SNURF: variants seen among roughly 807,000 people sequenced by gnomAD.
SNURF encodes SNRPN upstream open reading frame, also known as SNURF protein.
In SNURF, 6 loss-of-function variants were observed where a neutral mutation model predicts 11.6. The ratio of observed to expected loss-of-function variants is 0.52; its 90% CI spans 0.28 to 1.02. The LOEUF (loss-of-function observed/expected upper bound fraction) is 1.02. Among genes scored for constraint, SNURF ranks in the 50% least tolerant of loss-of-function variants. The pLI is 0.09. For synonymous variants in SNURF, 29 were observed against 31.6 expected, an observed-to-expected ratio of 0.92 and a Z score of 0.27; for missense variants, 84 against 88.4, an observed-to-expected ratio of 0.95 and a Z score of 0.20.
chr15:24,956,253 A>G (rs2062850716), intron 1 of SNURF, among the ~76,000 whole-genome samples: 3 of 151,254 alleles, frequency 2.0e-5, no homozygotes, highest in East Asian at 2.0e-4. Context: ...TTGGAAGGCT[A>G]TGTCGAAATA....
chr15:24,978,322 A>G, downstream of SNURF: 1 of 1,614,008 alleles, frequency 6.2e-7, no homozygotes, highest in Non-Finnish European at 8.5e-7. Flanking sequence ...ATTAGAGGTG[A>G]GTGGGAGCAT....
intron 3 of SNURF, chr15:24,974,894 C>G (rs1330626524): frequency 2.8e-6 from 2 of 702,470 alleles, no homozygotes; most frequent in Non-Finnish European, 5.2e-6. Context: ...TGAGAAAATA[C>G]AGGAGTTTTT....
chr15:24,959,130 A>G (rs2153437416), intron 1 of SNURF, among the ~76,000 whole-genome samples: 2 of 152,324 alleles, frequency 1.3e-5, no homozygotes, highest in Middle Eastern at 6.8e-3. Context: ...CCGGATTATT[A>G]CTTTCAGTGT....
At chr15:24,965,499 TG>T (rs1233966716) in intron 2 of SNURF, among the ~76,000 whole-genome samples, 1 of 152,190 alleles carries the variant, frequency 6.6e-6, no homozygotes, top group Non-Finnish European at 1.5e-5. Context: ...ATGGTGCCAT[TG>T]GCTGTGCCTG....
In SNURF at chr15:24,962,881, A is replaced by G. The variant is rs545802261; in HGVS notation, c.110+672A>G. Among the ~76,000 whole-genome samples the G allele has an allele frequency of 1.5e-4, 23 of 152,310 alleles. 1 individual carries two copies. In the South Asian group the frequency reaches 4.6e-3, roughly 30 times the overall value. The stretch of plus-strand genomic sequence containing the variant: ...GCCATTAAAATTTTGATCAGTAGGT[A>G]GCATTTTTTTCTTAGCTACAATTGT... On this transcript the variant is annotated intron_variant, in intron 2 of 2. Transcript: ENST00000577949.
At chr15:24,971,486 T>C (rs1292968402), downstream of SNURF, among the ~76,000 whole-genome samples, 3 of 152,026 alleles carry the variant, frequency 2.0e-5, no homozygotes, top group African/African-American at 7.2e-5. Flanking sequence ...TCAACTCCTA[T>C]TGTGAGTAAA....
At chr15:24,955,312 G>A (rs905130526) in intron 1 of SNURF, among the ~76,000 whole-genome samples, 3 of 152,138 alleles carry the variant, frequency 2.0e-5, no homozygotes, top group Non-Finnish European at 2.9e-5. Context: ...GTCGCGACAG[G>A]TCCTATTGCG....
chr15:24,975,735 T>C (rs2076985586), intron 4 of SNURF, among the ~76,000 whole-genome samples: 1 of 152,210 alleles, frequency 6.6e-6, no homozygotes, highest in Non-Finnish European at 1.5e-5. Context: ...GGAGTAAAAG[T>C]ATATGCTATG....
downstream of SNURF, chr15:24,978,501 T>C: frequency 1.3e-6 from 2 of 1,499,632 alleles, no homozygotes; most frequent in Non-Finnish European, 1.9e-6. Context: ...TGTGAAATTG[T>C]GTAGAGTGTT....
At chr15:24,955,121 A>G in intron 1 of SNURF, 59 bp downstream of exon 1, 6 of 1,610,650 alleles carry the variant, frequency 3.7e-6, no homozygotes, top group Non-Finnish European at 4.2e-6. Context: ...ACTTTTATTC[A>G]TCAGATATTC....
At chr15:24,978,478 C>T (rs1236754114), downstream of SNURF, 4 of 1,590,516 alleles carry the variant, frequency 2.5e-6, no homozygotes, top group Admixed American at 1.7e-5. Flanking sequence ...ACTTTTTCCC[C>T]TGCAATGCGT....
intron 3 of SNURF, among the ~76,000 whole-genome samples, chr15:24,975,119 A>G (rs114645474): frequency 0.039 from 5,903 of 152,286 alleles, 381 homozygotes; most frequent in African/African-American, 0.13. Context: ...ACAGAGAAGG[A>G]TAATCACCTG....
rs533449806 is a variant in SNURF, at chr15:24,956,547, C to T, written c.14+1485C>T. On this transcript the variant is annotated intron_variant, in intron 1 of 2. Transcript: ENST00000577949. ...TGGGAAAGGATGCAGGTTGCGCAGACGCAGCAGAGGTGACAGTCGCCTCCG... is the reference window on the plus strand; with the variant it reads ...TGGGAAAGGATGCAGGTTGCGCAGATGCAGCAGAGGTGACAGTCGCCTCCG... 3.3e-4 allele frequency among the ~76,000 whole-genome samples: 50 copies of T among 152,328 alleles called. 1 individual carries two copies. The South Asian group carries it at 8.7e-3, about 27-fold the overall frequency.
chr15:24,955,266 A>G (rs1453282442), intron 1 of SNURF, among the ~76,000 whole-genome samples: 1 of 151,840 alleles, frequency 6.6e-6, no homozygotes, highest in Non-Finnish European at 1.5e-5. Flanking sequence ...GTCCGCTCGC[A>G]TTGGGGCGCG....
At chr15:24,977,888 A>G, downstream of SNURF, 1 of 1,582,434 alleles carries the variant, frequency 6.3e-7, no homozygotes, top group Non-Finnish European at 8.6e-7. Context: ...CTCCGCCCCC[A>G]CCCGTCGGCA....
downstream of SNURF, chr15:24,977,994 A>G (rs2077260654): frequency 1.4e-5 from 19 of 1,392,066 alleles, no homozygotes; most frequent in Non-Finnish European, 1.8e-5. Flanking sequence ...ACAGCCTGAG[A>G]GCCTAAGAAT....
At chr15:24,977,417 T>A (rs2077188412) in intron 6 of SNURF, among the ~76,000 whole-genome samples, 1 of 152,164 alleles carries the variant, frequency 6.6e-6, no homozygotes, top group Non-Finnish European at 1.5e-5. Flanking sequence ...GGTGGGCAGA[T>A]CACTTGAGGT....
At chr15:24,969,108 T>C (rs1300445899), downstream of SNURF, among the ~76,000 whole-genome samples, 1 of 152,090 alleles carries the variant, frequency 6.6e-6, no homozygotes, top group East Asian at 1.9e-4. Context: ...GGCTTGTTTA[T>C]GGCCACCATT....
chr15:24,972,411 T>G (rs2076531343), downstream of SNURF, among the ~76,000 whole-genome samples: 3 of 152,154 alleles, frequency 2.0e-5, no homozygotes, highest in South Asian at 6.2e-4. Flanking sequence ...TACATTTAAT[T>G]TTTGTGGAGG....
Sources: gnomAD v4.1 joint callset for allele counts (sites outside exome capture counted in the v4.1 genomes callset) on GRCh38, gnomAD v4.1.1 for gene constraint, MANE v1.5 for transcripts, NCBI Gene and HGNC (gene_info 2026-07-23, HGNC 2026-07-21) for gene names.